Variants in CSMD3 observed in about 807,000 individuals in gnomAD.
CSMD3 encodes the protein CUB and Sushi multiple domains 3.
A neutral mutation model predicts 435.2 loss-of-function variants in CSMD3; 177 were observed. The ratio of observed to expected loss-of-function variants is 0.41; its 90% CI spans 0.36 to 0.46. The LOEUF (loss-of-function observed/expected upper bound fraction) is 0.46. CSMD3 is among the 20% of genes least tolerant of loss of function. The probability of loss-of-function intolerance (pLI) is 0.34; values close to 1 mark genes in which losing one functional copy is unlikely to be tolerated. For synonymous variants in CSMD3, 1,656 were observed against 1,520.5 expected (o/e 1.09, Z -2.07); for missense variants, 4,265 against 4,504.6 (o/e 0.95, Z 1.52).
At chr8:112,250,284 A>G (rs1815145937) in intron 63 of CSMD3, among the ~76,000 whole-genome samples, 1 of 151,912 alleles carries the variant, frequency 6.6e-6, no homozygotes, top group East Asian at 1.9e-4. Context: ...TTAACCAAAT[A>G]TTATAGAATT....
At chr8:113,019,399 C>T (rs2086596788) in intron 5 of CSMD3, among the ~76,000 whole-genome samples, 1 of 151,980 alleles carries the variant, frequency 6.6e-6, no homozygotes, top group South Asian at 2.1e-4. Flanking sequence ...TGTATTAATA[C>T]AATCAACTAT....
At chr8:112,549,756 G>A (rs574253976) in intron 27 of CSMD3, among the ~76,000 whole-genome samples, 262 of 152,096 alleles carry the variant, frequency 1.7e-3, no homozygotes, top group Non-Finnish European at 2.5e-3. Flanking sequence ...TTTATGAGAT[G>A]AGCATTGTTA....
intron 22 of CSMD3, among the ~76,000 whole-genome samples, chr8:112,609,201 CAAAA>C (rs71566035): frequency 4.6e-5 from 2 of 43,090 alleles, no homozygotes; most frequent in Non-Finnish European, 8.3e-5. Context: ...GATACTGCCT[CAAAA>C]AAAAAAAAAA....
At chr8:113,261,959 T>G (rs993266908) in intron 3 of CSMD3, among the ~76,000 whole-genome samples, 4 of 152,096 alleles carry the variant, frequency 2.6e-5, no homozygotes, top group Admixed American at 2.6e-4. Context: ...ATCATTATTA[T>G]ATTTTCCACT....
rs531518666 is a variant in CSMD3, at chr8:112,944,926, A to G, written c.1508+2864T>C. On this transcript the variant is annotated intron_variant, in intron 9 of 70. Transcript: ENST00000297405. ...TACACATAATTTTTTAAAGAAAATGATGTTTAACATTTTTATAATATGTAT... is the reference window on the plus strand; with the variant it reads ...TACACATAATTTTTTAAAGAAAATGGTGTTTAACATTTTTATAATATGTAT... 2.0e-5 allele frequency among the ~76,000 whole-genome samples: 3 copies of G among 151,704 alleles called. No homozygotes were observed. In the South Asian group the frequency reaches 6.2e-4, roughly 31 times the overall value.
chr8:113,198,602 T>A (rs28384093), intron 3 of CSMD3, among the ~76,000 whole-genome samples: 2,728 of 151,354 alleles, frequency 0.018, 64 homozygotes, highest in African/African-American at 0.051. Context: ...TGTTTTTTTT[T>A]AAAAAGAAGT....
At chr8:112,900,993 G>A (rs148442602) in intron 10 of CSMD3, among the ~76,000 whole-genome samples, 1 of 151,382 alleles carries the variant, frequency 6.6e-6, no homozygotes, top group Non-Finnish European at 1.5e-5. Context: ...AGTCTCAGGT[G>A]CACACTGTAG....
At chr8:112,649,492 A>G (rs2131628694) in intron 19 of CSMD3, among the ~76,000 whole-genome samples, 1 of 152,342 alleles carries the variant, frequency 6.6e-6, no homozygotes, top group Non-Finnish European at 1.5e-5. Flanking sequence ...ATTAAAACCC[A>G]TAGTTAAATA....
At chr8:112,387,582 G>GTT (rs910220484) in intron 36 of CSMD3, among the ~76,000 whole-genome samples, 1 of 149,490 alleles carries the variant, frequency 6.7e-6, no homozygotes, top group Non-Finnish European at 1.5e-5. Context: ...GTCCTTGATA[G>GTT]TTTTTTTTTA....
intron 10 of CSMD3, among the ~76,000 whole-genome samples, chr8:112,866,209 T>A (rs1484916894): frequency 6.6e-6 from 1 of 152,166 alleles, no homozygotes; most frequent in Non-Finnish European, 1.5e-5. Flanking sequence ...TTTGTAGTTC[T>A]TGTATCTTCA....
At chr8:113,227,125 CATT>C (rs1381345354) in intron 3 of CSMD3, among the ~76,000 whole-genome samples, 1 of 151,420 alleles carries the variant, frequency 6.6e-6, no homozygotes, top group Admixed American at 6.6e-5. Flanking sequence ...TCTTTTACAT[CATT>C]ATTTTTATTC....
intron 4 of CSMD3, among the ~76,000 whole-genome samples, chr8:113,120,996 A>T (rs2090969528): frequency 6.6e-6 from 1 of 152,132 alleles, no homozygotes; most frequent in South Asian, 2.1e-4. Context: ...CATCCATCCA[A>T]ATGTCAGTTA....
In CSMD3 at chr8:112,774,517, C is replaced by A. The variant is rs550447550; in HGVS notation, c.1972+25645G>T. Among the ~76,000 whole-genome samples, 19 of 152,042 alleles carry A rather than the reference C, an allele frequency of 1.2e-4. No homozygotes were observed. The South Asian group carries it at 3.9e-3, about 32-fold the overall frequency. ...CACGGTGAAATTATATGCACTGAGT[C>A]GAAATCTACTTTATTTTTCTACTTC... On this transcript the variant is annotated intron_variant, in intron 13 of 70. Transcript: ENST00000297405.
rs193021729 is a variant in CSMD3, at chr8:113,093,542, C to T, written c.917+5214G>A. 8.2e-4 allele frequency among the ~76,000 whole-genome samples: 125 copies of T among 152,016 alleles called. 1 individual carries two copies. The highest frequency in any genetic ancestry group is 2.8e-3 in the African/African-American group (116 of 41,472). ...TTGCTCATTTTGTAAAAGACAGTTC[C>T]AGAGAAATGATGGGTAAGCTAGTTT... On this transcript the variant is annotated intron_variant, in intron 5 of 70. Coordinates refer to ENST00000297405, the MANE Select transcript of CSMD3 (RefSeq NM_198123.2).
At chr8:112,256,679 T>A (rs1330759920) in intron 61 of CSMD3, among the ~76,000 whole-genome samples, 1 of 152,128 alleles carries the variant, frequency 6.6e-6, no homozygotes, top group African/African-American at 2.4e-5. Flanking sequence ...GCAAAGAAAA[T>A]ACATAACATA....
chr8:113,239,451 T>C (rs1175040607), intron 3 of CSMD3, among the ~76,000 whole-genome samples: 1 of 152,100 alleles, frequency 6.6e-6, no homozygotes, highest in Non-Finnish European at 1.5e-5. Flanking sequence ...ACATCAGTAA[T>C]CCAGGGTGAG....
intron 5 of CSMD3, among the ~76,000 whole-genome samples, chr8:113,091,649 A>G (rs1692596693): frequency 6.6e-6 from 1 of 151,730 alleles, no homozygotes; most frequent in Non-Finnish European, 1.5e-5. Context: ...ACTTATGTGT[A>G]TCTGCTCTCC....
intron 45 of CSMD3, among the ~76,000 whole-genome samples, chr8:112,320,666 G>T (rs767505359): frequency 7.0e-6 from 1 of 143,012 alleles, no homozygotes; most frequent in African/African-American, 2.6e-5. Context: ...ACAGGCCCCG[G>T]TGGGTGTGTG....
chr8:112,531,392 T>C (rs1353228906), intron 27 of CSMD3, among the ~76,000 whole-genome samples: 3 of 152,146 alleles, frequency 2.0e-5, no homozygotes, highest in African/African-American at 7.2e-5. Context: ...ATTATGGGCA[T>C]TGGGTGAGCC....
Sources: gnomAD v4.1 joint callset for allele counts (sites outside exome capture counted in the v4.1 genomes callset) on GRCh38, gnomAD v4.1.1 for gene constraint, MANE v1.5 for transcripts, NCBI Gene and HGNC (gene_info 2026-07-23, HGNC 2026-07-21) for gene names.